TNRC6B: variants seen among roughly 807,000 people sequenced by gnomAD.
TNRC6B encodes the protein trinucleotide repeat containing adaptor 6B, also known as trinucleotide repeat-containing gene 6B protein.
In TNRC6B, 52 loss-of-function variants were observed where a neutral mutation model predicts 203.6. That is an observed-to-expected ratio of 0.26 (90% CI 0.20 to 0.32). TNRC6B has a LOEUF of 0.32. Among genes scored for constraint, TNRC6B ranks in the 10% least tolerant of loss-of-function variants. The pLI is 1.00. For synonymous variants in TNRC6B, 838 were observed against 845.7 expected, an observed-to-expected ratio of 0.99 and a Z score of 0.16; for missense variants, 1,923 against 2,286.2, an observed-to-expected ratio of 0.84 and a Z score of 3.24.
chr22:40,293,949 A>G (rs955890073), intron 12 of TNRC6B, among the ~76,000 whole-genome samples: 4 of 151,308 alleles, frequency 2.6e-5, no homozygotes, highest in African/African-American at 9.7e-5. Context: ...CTACCTAGAA[A>G]AAAAAAAAAA....
chr22:40,130,584 A>G (rs943224791), intron 3 of TNRC6B, among the ~76,000 whole-genome samples: 2 of 151,634 alleles, frequency 1.3e-5, no homozygotes, highest in African/African-American at 2.4e-5. Flanking sequence ...GATCCAGACT[A>G]TCCTGGCTAA....
intron 1 of TNRC6B, among the ~76,000 whole-genome samples, chr22:40,225,675 A>G (rs892155590): frequency 1.4e-5 from 2 of 142,780 alleles, no homozygotes; most frequent in Non-Finnish European, 3.0e-5. Flanking sequence ...CTTGGGAGGC[A>G]GAGGTTGCAG....
chr22:40,211,778 G>C (rs1601887775), intron 1 of TNRC6B, among the ~76,000 whole-genome samples: 1 of 152,256 alleles, frequency 6.6e-6, no homozygotes, highest in South Asian at 2.1e-4. Context: ...CAACAAAACT[G>C]TTAGGGAGAT....
chr22:40,256,436 G>A (rs2070279289), intron 3 of TNRC6B, among the ~76,000 whole-genome samples: 2 of 152,144 alleles, frequency 1.3e-5, no homozygotes, highest in South Asian at 4.1e-4. Context: ...TTATGGCCGT[G>A]GACAAAGTTG....
intron 12 of TNRC6B, among the ~76,000 whole-genome samples, chr22:40,291,134 C>T (rs1175848449): frequency 6.6e-6 from 1 of 152,058 alleles, no homozygotes; most frequent in Non-Finnish European, 1.5e-5. Context: ...TCCTATAATC[C>T]CAGCACTTTG....
At chr22:40,299,144 CAAAAAAAAAAAAACAAA>C (rs1034666473) in intron 12 of TNRC6B, among the ~76,000 whole-genome samples, 34 of 43,948 alleles carry the variant, frequency 7.7e-4, no homozygotes, top group African/African-American at 1.0e-3. Flanking sequence ...GACCCTGTCT[CAAAAAAAAAAAAACAAA>C]AAAAAAAAAA....
chr22:40,056,313 C>T (rs1024072780), intron 1 of TNRC6B, among the ~76,000 whole-genome samples: 1 of 152,210 alleles, frequency 6.6e-6, no homozygotes, highest in South Asian at 2.1e-4. Context: ...TGTTAATTGA[C>T]TTACGGTAAT....
chr22:40,209,657 C>A (rs1469732796), intron 1 of TNRC6B, among the ~76,000 whole-genome samples: 2 of 152,198 alleles, frequency 1.3e-5, no homozygotes, highest in Non-Finnish European at 2.9e-5. Context: ...AAGAGATTTT[C>A]ACTTGAATAC....
At chr22:40,251,074 T>C (rs949627011) in intron 2 of TNRC6B, 105 bp from the exon 3 acceptor site, 1 of 906,536 alleles carries the variant, frequency 1.1e-6, no homozygotes, top group African/African-American at 1.7e-5. Flanking sequence ...TATGCCTGTG[T>C]GCCTGACAGC....
intron 4 of TNRC6B, among the ~76,000 whole-genome samples, chr22:40,170,787 ATG>A (rs1366422702): frequency 3.1e-4 from 20 of 64,872 alleles, no homozygotes; most frequent in African/African-American, 9.8e-4. Flanking sequence ...ATGTACATAT[ATG>A]TGTGTATATA....
At chr22:40,241,391 G>A (rs758123816) in intron 1 of TNRC6B, among the ~76,000 whole-genome samples, 12 of 152,168 alleles carry the variant, frequency 7.9e-5, no homozygotes, top group South Asian at 4.1e-4. Flanking sequence ...GAGATTTGCC[G>A]CACATTGCAT....
chr22:40,123,202 G>C (rs1568990036), intron 2 of TNRC6B, among the ~76,000 whole-genome samples: 1 of 152,104 alleles, frequency 6.6e-6, no homozygotes, highest in Non-Finnish European at 1.5e-5. Flanking sequence ...CAGAAGTCTT[G>C]GTTAAAGCCT....
chr22:40,165,786 C>G (rs2068914389), intron 4 of TNRC6B, among the ~76,000 whole-genome samples: 1 of 152,124 alleles, frequency 6.6e-6, no homozygotes, highest in African/African-American at 2.4e-5. Context: ...ACCATCACAT[C>G]TCATGAGAAC....
chr22:40,144,152 G>GT (rs2068670315), intron 3 of TNRC6B, among the ~76,000 whole-genome samples: 1 of 152,134 alleles, frequency 6.6e-6, no homozygotes, highest in South Asian at 2.1e-4. Flanking sequence ...TTAAAGAACT[G>GT]TTTCATAAGC....
chr22:40,075,156 A>ATATATATATTT, intron 1 of TNRC6B, among the ~76,000 whole-genome samples: 1 of 35,566 alleles, frequency 2.8e-5, no homozygotes, highest in African/African-American at 1.0e-4. Flanking sequence ...ATATATATAT[A>ATATATATATTT]TTTTTTTTTT....
chr22:40,309,819 T>C (rs2071148813), intron 16 of TNRC6B, among the ~76,000 whole-genome samples: 1 of 152,212 alleles, frequency 6.6e-6, no homozygotes, highest in African/African-American at 2.4e-5. Context: ...TGCTTCACCA[T>C]AATGTGCCTC....
chr22:40,211,973 C>T (rs1273743639), intron 1 of TNRC6B, among the ~76,000 whole-genome samples: 1 of 152,196 alleles, frequency 6.6e-6, no homozygotes, highest in Non-Finnish European at 1.5e-5. Flanking sequence ...TTTCTTATTT[C>T]AAATGTTCGC....
chr22:40,151,558 AAG>A (rs2068754871), intron 3 of TNRC6B, among the ~76,000 whole-genome samples: 1 of 49,926 alleles, frequency 2.0e-5, no homozygotes, highest in African/African-American at 2.4e-4. Context: ...AAAAAGAAAA[AAG>A]AAAAAAACTA....
intron 1 of TNRC6B, among the ~76,000 whole-genome samples, chr22:40,230,067 A>T (rs1569030168): frequency 6.6e-6 from 1 of 152,314 alleles, no homozygotes; most frequent in East Asian, 1.9e-4. Flanking sequence ...ACCATTTTAC[A>T]TTCCCATCAT....
Sources: gnomAD v4.1 joint callset for allele counts (sites outside exome capture counted in the v4.1 genomes callset) on GRCh38, gnomAD v4.1.1 for gene constraint, MANE v1.5 for transcripts, NCBI Gene and HGNC (gene_info 2026-07-23, HGNC 2026-07-21) for gene names.